Variants in DCBLD2 observed in about 807,000 individuals in gnomAD.
DCBLD2 encodes the protein discoidin, CUB and LCCL domain containing 2, also known as discoidin, CUB and LCCL domain-containing protein 2.
In DCBLD2, 54 loss-of-function variants were observed where a neutral mutation model predicts 86.8. The ratio of observed to expected loss-of-function variants is 0.62; its 90% CI spans 0.50 to 0.78. DCBLD2 has a LOEUF of 0.78. DCBLD2 is among the 30% of genes least tolerant of loss of function. The pLI is 0.00. For missense variants in DCBLD2, 908 were observed against 954.2 expected, an observed-to-expected ratio of 0.95 and a Z score of 0.64; for synonymous variants, 354 against 341.3, an observed-to-expected ratio of 1.04 and a Z score of -0.41.
intron 3 of DCBLD2, among the ~76,000 whole-genome samples, chr3:98,826,025 A>C: frequency 6.6e-6 from 1 of 152,266 alleles, no homozygotes; most frequent in African/African-American, 2.4e-5. Flanking sequence ...AGCACACGGA[A>C]GCTGCAGTAG....
At position 98,799,062 on chromosome 3, in the gene DCBLD2, G is replaced by A; in HGVS notation, c.*310C>T. On this transcript the variant is annotated 3_prime_UTR_variant, in exon 16 of 16. Coordinates refer to ENST00000326840, the MANE Select transcript of DCBLD2 (RefSeq NM_080927.4). The stretch of plus-strand genomic sequence containing the variant: ...GTTCATTAATGTACCTGCAGCATTG[G>A]TAATAAATACTCTGTGATTTTTAAT... 1 of 237,922 alleles carries A rather than the reference G, an allele frequency of 4.2e-6. No individual in the cohort carries two copies. The highest frequency in any genetic ancestry group is 8.2e-6 in the Non-Finnish European group (1 of 121,534). 14.7% of individuals were successfully genotyped at this position (237,922 alleles called of 1,614,324 possible). A position where few individuals can be genotyped will look rare whatever the true frequency, so the allele number is the denominator to read the frequency against.
chr3:98,896,353 T>G (rs1295896706), intron 1 of DCBLD2, among the ~76,000 whole-genome samples: 1 of 152,218 alleles, frequency 6.6e-6, no homozygotes, highest in Admixed American at 6.5e-5. Flanking sequence ...ACTGAAATAC[T>G]TTCTCAAAGA....
chr3:98,867,381 A>G (rs1943170757), intron 2 of DCBLD2, among the ~76,000 whole-genome samples: 1 of 152,154 alleles, frequency 6.6e-6, no homozygotes, highest in African/African-American at 2.4e-5. Context: ...TATTTCATTG[A>G]GCAGTGGTTT....
intron 15 of DCBLD2, 150 bp from the exon 16 acceptor site, chr3:98,799,991 T>A: frequency 1.5e-6 from 1 of 671,726 alleles, no homozygotes; most frequent in Non-Finnish European, 2.4e-6. Context: ...CTTTGAAAAT[T>A]AAAATTAAAC....
chr3:98,867,979 A>G (rs1943188353), intron 2 of DCBLD2, among the ~76,000 whole-genome samples: 2 of 151,384 alleles, frequency 1.3e-5, no homozygotes, highest in African/African-American at 4.9e-5. Context: ...CTTTTTTTGT[A>G]TTTTCAGTAG....
chr3:98,849,742 C>T, intron 2 of DCBLD2, 144 bp from the exon 3 acceptor site: 4 of 926,620 alleles, frequency 4.3e-6, no homozygotes, highest in African/African-American at 1.7e-5. Context: ...TAATGATTAC[C>T]AATCATATTG....
At chr3:98,805,029 T>C (rs1331422354) in intron 13 of DCBLD2, 2 of 152,386 alleles carry the variant, frequency 1.3e-5, no homozygotes, top group South Asian at 2.1e-4. Context: ...ACAGGGGCCA[T>C]GCTAATCTTC....
chr3:98,839,083 A>C (rs1942554916), intron 3 of DCBLD2, among the ~76,000 whole-genome samples: 1 of 151,240 alleles, frequency 6.6e-6, no homozygotes, highest in African/African-American at 2.4e-5. Flanking sequence ...CTGTGACCTT[A>C]CCCCCAACCC....
At chr3:98,900,677 A>G (rs1360756676) in intron 1 of DCBLD2, 1 of 189,660 alleles carries the variant, frequency 5.3e-6, no homozygotes, top group African/African-American at 2.4e-5. Flanking sequence ...CATTCGCTTC[A>G]GAACCCGGGC....
intron 3 of DCBLD2, among the ~76,000 whole-genome samples, chr3:98,847,817 T>C (rs1942754883): frequency 6.6e-6 from 1 of 151,966 alleles, no homozygotes. Flanking sequence ...ATTCTTGTAC[T>C]AGCAACACTT....
intron 2 of DCBLD2, among the ~76,000 whole-genome samples, chr3:98,850,770 G>T (rs1447068354): frequency 6.6e-6 from 1 of 152,066 alleles, no homozygotes; most frequent in African/African-American, 2.4e-5. Flanking sequence ...AACCTCTCTA[G>T]AACTAGTAAA....
rs1367751863 is a variant in DCBLD2 at position 98,836,701 on chromosome 3, G to C, written c.572-11335C>G. Among the ~76,000 whole-genome samples, 2 of 86,744 alleles carry C rather than the reference G, an allele frequency of 2.3e-5. 1 individual carries two copies. Among genetic ancestry groups the C allele is most frequent in the Non-Finnish European group, 5.2e-5 (2 of 38,346 alleles). 56.9% of individuals were successfully genotyped at this position (86,744 alleles called of 152,430 possible). ...CAGAGGCGCCCATCACCTCCCGGAC[G>C]GGGCGGCTGGCCGGGCGGGGGGGCT... is the stretch of plus-strand genomic sequence containing the variant. On this transcript the variant is annotated intron_variant, in intron 3 of 15. Coordinates refer to ENST00000326840, the MANE Select transcript of DCBLD2 (RefSeq NM_080927.4).
At chr3:98,804,548 G>A (rs1473023076) in intron 13 of DCBLD2, among the ~76,000 whole-genome samples, 1 of 152,032 alleles carries the variant, frequency 6.6e-6, no homozygotes, top group Non-Finnish European at 1.5e-5. Context: ...ATCTCCTTCA[G>A]TTCTGCTCTG....
chr3:98,851,331 C>T (rs1052501439), intron 2 of DCBLD2, among the ~76,000 whole-genome samples: 10 of 152,104 alleles, frequency 6.6e-5, no homozygotes, highest in Non-Finnish European at 5.9e-5. Flanking sequence ...TGAGAGAACT[C>T]CCATTCACAA....
chr3:98,801,612 A>C lies in DCBLD2; in HGVS notation c.1708T>G (p.Trp570Gly). The change falls in exon 14 of 16, where the codon TGG becomes GGG. Residue 570 changes from tryptophan to glycine, a missense_variant. By Grantham distance (184) the Trp-to-Gly change is radical. Transcript: ENST00000326840. ...CCACGTGAGTTACCTGCCCGGTCCC[A>C]GTAAGGTAAGTCATAGGTGCCTTCA... The part of the protein sequence containing the change: ...KTEGTYDLPY[W>G]DRAGWWKGMK... 6.2e-7 allele frequency: 1 copy of C among 1,610,278 alleles called. No individual in the cohort carries two copies. The highest frequency in any genetic ancestry group is 8.5e-7 in the Non-Finnish European group (1 of 1,178,168).
rs1228921204 is a variant in DCBLD2 at position 98,797,045 on chromosome 3, A to C, written c.*2327T>G. ...AGACATATAAATGTAGTAAAAAAAA[A>C]AAAAAAAAAAATAGAAAACCTCTAC... is the stretch of plus-strand genomic sequence containing the variant. On this transcript the variant is annotated 3_prime_UTR_variant, in exon 16 of 16. Transcript: ENST00000326840. The C allele has an allele frequency of 6.6e-6, 1 of 151,884 alleles. No homozygotes were observed. The highest frequency in any genetic ancestry group is 2.4e-5 in the African/African-American group (1 of 41,246). 9.4% of individuals were successfully genotyped at this position (151,884 alleles called of 1,614,324 possible).
rs1404158885 is a variant in DCBLD2, at chr3:98,796,228, T to C, written c.*3144A>G. 6.9e-6 allele frequency: 1 copy of C among 144,546 alleles called. No individual in the cohort carries two copies. Among genetic ancestry groups the C allele is most frequent in the Non-Finnish European group, 1.5e-5 (1 of 65,122 alleles). The allele number at this position is 144,546 out of a possible 1,614,324, so 9.0% of individuals were successfully genotyped here. On this transcript the variant is annotated 3_prime_UTR_variant, in exon 16 of 16. Coordinates refer to ENST00000326840, the MANE Select transcript of DCBLD2 (RefSeq NM_080927.4). ...TTCAATACATGTTTGTTTCCACTTT[T>C]CCCAGTGCCACACACACACACACAA...
intron 3 of DCBLD2, among the ~76,000 whole-genome samples, chr3:98,843,123 T>C (rs1942651936): frequency 6.6e-6 from 1 of 152,162 alleles, no homozygotes. Context: ...GCAAAATTGG[T>C]AACACTTTGT....
At chr3:98,893,901 C>T (rs1331628852) in intron 1 of DCBLD2, among the ~76,000 whole-genome samples, 1 of 152,196 alleles carries the variant, frequency 6.6e-6, no homozygotes, top group Non-Finnish European at 1.5e-5. Context: ...GTGAGATAGT[C>T]TGCTAAGCAG....
Sources: allele counts gnomAD v4.1 joint callset (sites outside exome capture counted in the v4.1 genomes callset), GRCh38; gene constraint gnomAD v4.1.1; transcripts MANE v1.5; gene names NCBI Gene and HGNC (gene_info 2026-07-23, HGNC 2026-07-21).